ACTR8: variants seen among roughly 807,000 people sequenced by gnomAD.
ACTR8 encodes actin-related protein 8.
ACTR8 carries 70 observed loss-of-function variants against 84.3 expected under a neutral mutation model. The observed-to-expected ratio is 0.83, with a 90% CI of 0.68 to 1.01. The LOEUF (loss-of-function observed/expected upper bound fraction) is 1.01, where lower values mean the gene tolerates loss of function less well. Ranked by LOEUF, ACTR8 falls within the 50% of genes least tolerant of loss-of-function variation. The pLI is 0.00. For synonymous variants in ACTR8, 268 were observed against 275.2 expected (o/e 0.97, Z 0.26); for missense variants, 672 against 775.4 (o/e 0.87, Z 1.58).
rs748976721 is a variant in ACTR8, at chr3:53,872,426, G to A, written c.1260C>T (p.His420=). Residue 420 remains histidine (H), a synonymous_variant, in exon 10 of 13, where the codon CAC becomes CAT. Transcript: ENST00000335754. ...HRSQGDPEDP[H]DEHYLLATQS... is the part of the protein sequence containing the mutation. ...GTGTGGCCAGCAGGTAATGTTCATC[G>A]TGAGGATCCTCAGGATCGCCCTGAG... 3.0e-5 allele frequency: 48 copies of A among 1,610,910 alleles called. No individual in the cohort carries two copies. The highest frequency in any genetic ancestry group is 2.9e-5 in the Non-Finnish European group (34 of 1,178,942).
rs1278258174 is a variant in ACTR8, at chr3:53,880,114, A to G, written c.124-5T>C. The stretch of plus-strand genomic sequence containing the variant: ...GATGAAGTTGCTCTGGATTTGCTGC[A>G]GATATAAAACATAGATGTGTGACTT... On this transcript the variant is annotated splice_polypyrimidine_tract_variant and splice_region_variant and intron_variant, in intron 1 of 12. Transcript: ENST00000335754. The G allele has an allele frequency of 6.2e-7, 1 of 1,612,984 alleles. No homozygotes were observed. The highest frequency in any genetic ancestry group is 1.1e-5 in the South Asian group (1 of 91,036).
Position 53,872,351 on chromosome 3 carries a change from ACT to A in ACTR8, c.1302+31_1302+32del, listed in dbSNP as rs757896511. The A allele has an allele frequency of 1.2e-5, 19 of 1,524,794 alleles. No individual in the cohort carries two copies. The African/African-American group carries it at 1.6e-4, about 12-fold the overall frequency. The allele number at this position is 1,524,794 out of a possible 1,614,324, so 94.5% of individuals were successfully genotyped here. A position where few individuals can be genotyped will look rare whatever the true frequency, so the allele number is the denominator to read the frequency against. On this transcript the variant is annotated intron_variant, in intron 10 of 12. Transcript: ENST00000335754. Reference sequence around the variant, plus strand: ...GACAAATTTCTCCTTCAGGGACAAAACTCTCTCTTCTCCTACCAGAATTGCTA... The same window carrying A: ...GACAAATTTCTCCTTCAGGGACAAAACTCTCTTCTCCTACCAGAATTGCTA...
In ACTR8 at chr3:53,872,539, A is replaced by C; in HGVS notation, c.1162-15T>G. The C allele has an allele frequency of 1.3e-6, 2 of 1,569,332 alleles. No homozygotes were observed. The highest frequency in any genetic ancestry group is 8.6e-7 in the Non-Finnish European group (1 of 1,164,254). On this transcript the variant is annotated splice_polypyrimidine_tract_variant and intron_variant, in intron 9 of 12. Transcript: ENST00000335754. ...GCCATTGGAGCCTGTACATGAAGAAAAAGAGTGATCAACAAAAGATACTGC... is the reference window on the plus strand; with the variant it reads ...GCCATTGGAGCCTGTACATGAAGAACAAGAGTGATCAACAAAAGATACTGC...
chr3:53,881,974 C>G lies in ACTR8; in HGVS notation c.123+5G>C, dbSNP rs1391182846. 6.4e-7 allele frequency: 1 copy of G among 1,555,240 alleles called. No homozygotes were observed. Among genetic ancestry groups the G allele is most frequent in the South Asian group, 1.2e-5 (1 of 84,426 alleles). On this transcript the variant is annotated splice_donor_5th_base_variant and intron_variant, in intron 1 of 12. Transcript: ENST00000335754. ...CAAAGAGTTCCAACCCAGCCAGAGC[C>G]GCACCTCTTGCAGCGACTCCGGCAC...
At position 53,878,966 on chromosome 3, in the gene ACTR8, A is replaced by G. The variant is rs144686423; in HGVS notation, c.295-499T>C. Reference sequence around the variant, plus strand: ...GCACTAATCAAAGCATACCTACTTCATGTTTAAAAAATATTTCAGAGACTC... The same window carrying G: ...GCACTAATCAAAGCATACCTACTTCGTGTTTAAAAAATATTTCAGAGACTC... On this transcript the variant is annotated intron_variant, in intron 2 of 12. Coordinates refer to ENST00000335754, the MANE Select transcript of ACTR8 (RefSeq NM_022899.5). 3.3e-3 allele frequency among the ~76,000 whole-genome samples: 496 copies of G among 152,358 alleles called. 5 individuals carry two copies. The highest frequency in any genetic ancestry group is 4.6e-3 in the Non-Finnish European group (314 of 68,034).
At chr3:53,878,326 TA>T (rs2107072337) in intron 3 of ACTR8, 30 bp downstream of exon 3, 1 of 1,440,802 alleles carries the variant, frequency 6.9e-7, no homozygotes, top group Non-Finnish European at 9.8e-7. Context: ...ATAGTGGTGA[TA>T]AAAGAATAAA....
chr3:53,877,414 C>A, intron 4 of ACTR8, 27 bp from the exon 5 acceptor site: 1 of 1,561,114 alleles, frequency 6.4e-7, no homozygotes, highest in Non-Finnish European at 8.7e-7. Context: ...GAGATGAGTA[C>A]TTTGTTAAAA....
Position 53,881,978 on chromosome 3 carries a change from C to T in ACTR8, c.123+1G>A. The T allele has an allele frequency of 1.3e-6, 2 of 1,554,900 alleles. No individual in the cohort carries two copies. Among genetic ancestry groups the T allele is most frequent in the Non-Finnish European group, 1.7e-6 (2 of 1,148,436 alleles). On this transcript the variant is annotated splice_donor_variant, in intron 1 of 12. Coordinates refer to ENST00000335754, the MANE Select transcript of ACTR8 (RefSeq NM_022899.5). LOFTEE classifies it high-confidence loss of function. ...GAGTTCCAACCCAGCCAGAGCCGCACCTCTTGCAGCGACTCCGGCACCAGC... is the reference window on the plus strand; with the variant it reads ...GAGTTCCAACCCAGCCAGAGCCGCATCTCTTGCAGCGACTCCGGCACCAGC...
downstream of ACTR8, among the ~76,000 whole-genome samples, chr3:53,866,401 C>G (rs1039212120): frequency 6.6e-6 from 1 of 152,140 alleles, no homozygotes; most frequent in Non-Finnish European, 1.5e-5. Flanking sequence ...ACGAAAAAAC[C>G]CCCACAGAAT....
At chr3:53,872,849 T>G (rs753000178) in intron 9 of ACTR8, among the ~76,000 whole-genome samples, 183 bp downstream of exon 9, 2 of 152,232 alleles carry the variant, frequency 1.3e-5, no homozygotes, top group African/African-American at 4.8e-5. Flanking sequence ...AGGGGCTAAA[T>G]AGAAAGATAT....
In ACTR8 at chr3:53,877,302, C is replaced by G. The variant is rs1472093844; in HGVS notation, c.596G>C (p.Gly199Ala). The change falls in exon 5 of 13, where the codon GGC becomes GCC. Residue 199 changes from glycine to alanine, a missense_variant. Transcript: ENST00000335754. The stretch of plus-strand genomic sequence containing the variant: ...ATCTGCCAGAACAGCTGTAAGAGAG[C>G]CCCCAGGGCCTGGGTGAATATTTAA... The part of the protein sequence containing the change: ...GQLNIHPGPG[G>A]SLTAVLADIE... The G allele has an allele frequency of 6.2e-7, 1 of 1,613,636 alleles. No individual in the cohort carries two copies. Among genetic ancestry groups the G allele is most frequent in the African/African-American group, 1.3e-5 (1 of 74,910 alleles).
At chr3:53,879,129 C>A (rs540566351) in intron 2 of ACTR8, among the ~76,000 whole-genome samples, 2 of 152,228 alleles carry the variant, frequency 1.3e-5, no homozygotes, top group East Asian at 3.9e-4. Flanking sequence ...AAGAAAATGC[C>A]CATAAATATC....
downstream of ACTR8, chr3:53,864,602 G>A: frequency 3.0e-6 from 2 of 667,152 alleles, no homozygotes; most frequent in Non-Finnish European, 5.3e-6. Context: ...GGAACATCAG[G>A]ATGTTTTTCC....
intron 2 of ACTR8, among the ~76,000 whole-genome samples, chr3:53,879,453 A>G (rs2107075165): frequency 6.6e-6 from 1 of 152,308 alleles, no homozygotes; most frequent in Middle Eastern, 3.4e-3. Context: ...ACCATCTGCA[A>G]CATAGGATAA....
the ACTR8 span, chr3:53,861,519 AG>A: frequency 6.6e-6 from 1 of 152,230 alleles, no homozygotes; most frequent in Non-Finnish European, 1.5e-5. Context: ...TTGAAAATGT[AG>A]CTTTTATGTG....
rs1576858297 is a variant in ACTR8, at chr3:53,867,936, C to G, written c.*783G>C. The G allele has an allele frequency of 6.6e-6, 1 of 152,192 alleles. No individual in the cohort carries two copies. The highest frequency in any genetic ancestry group is 1.9e-4 in the East Asian group (1 of 5,198). The allele number at this position is 152,192 out of a possible 1,614,324, so 9.4% of individuals were successfully genotyped here. ...GTAGTATTAATAACTACATCAGTCA[C>G]CATATCTGTACAACACAAGGACTCT... is the stretch of plus-strand genomic sequence containing the variant. On this transcript the variant is annotated 3_prime_UTR_variant, in exon 13 of 13. Transcript: ENST00000335754.
rs1018061183 is a variant in ACTR8 at position 53,870,364 on chromosome 3, T to A, written c.1568-219A>T. The stretch of plus-strand genomic sequence containing the variant: ...CTTGCAGGATTAGGATCAAAATCTT[T>A]AAAGGAGGCCGAGCATGGTGGCTCA... On this transcript the variant is annotated intron_variant, in intron 11 of 12. Coordinates refer to ENST00000335754, the MANE Select transcript of ACTR8 (RefSeq NM_022899.5). This position sits in a 1 kb window ranked among gnomAD's most constrained non-coding sequence, Gnocchi z 4.1. 1 of 565,930 alleles carries A rather than the reference T, an allele frequency of 1.8e-6. No individual in the cohort carries two copies. The highest frequency in any genetic ancestry group is 3.1e-6 in the Non-Finnish European group (1 of 323,332). 35.1% of individuals were successfully genotyped at this position (565,930 alleles called of 1,614,324 possible).
At chr3:53,875,609 G>C (rs1186492148) in intron 7 of ACTR8, among the ~76,000 whole-genome samples, 1 of 152,212 alleles carries the variant, frequency 6.6e-6, no homozygotes, top group African/African-American at 2.4e-5. Context: ...ATAAAGCTCT[G>C]CTATAAGGAT....
chr3:53,863,948 G>A (rs976165047), downstream of ACTR8, among the ~76,000 whole-genome samples: 2 of 151,638 alleles, frequency 1.3e-5, no homozygotes, highest in Non-Finnish European at 2.9e-5. Context: ...TTAGCCGCCT[G>A]AGTAGCTGGG....
Sources: gnomAD v4.1 joint callset for allele counts (sites outside exome capture counted in the v4.1 genomes callset) on GRCh38, gnomAD v4.1.1 for gene constraint, Gnocchi (gnomAD v3.1) non-coding constraint, MANE v1.5 for transcripts, NCBI Gene and HGNC (gene_info 2026-07-23, HGNC 2026-07-21) for gene names.